The following RIN2 variants were observed in gnomAD, a reference collection of about 807,000 sequenced individuals.
RIN2 encodes the protein RAB5 interacting protein 2.
Under a neutral mutation model 78.0 loss-of-function variants are expected in RIN2, and 36 were observed. That is an observed-to-expected ratio of 0.46 (90% CI 0.35 to 0.61). The LOEUF (loss-of-function observed/expected upper bound fraction) is 0.61, where lower values mean the gene tolerates loss of function less well. RIN2 is among the 20% of genes least tolerant of loss of function. The pLI, the probability that RIN2 is intolerant of heterozygous loss-of-function variation, is 0.00. For missense variants in RIN2, 1,087 were observed against 1,159.7 expected (o/e 0.94, Z 0.91); for synonymous variants, 466 against 466.8 (o/e 1.00, Z 0.02).
Position 19,805,999 on chromosome 20 carries a change from G to A in RIN2, c.-37+6252G>A, listed in dbSNP as rs145713339. ...TTTTCTGTCCTTGTGATAGTTTGCT[G>A]AGAATGATGGTTTCCATCTTCATCC... On this transcript the variant is annotated intron_variant, in intron 2 of 12. Transcript: ENST00000255006. 2.0e-3 allele frequency among the ~76,000 whole-genome samples: 306 copies of A among 152,244 alleles called. 2 individuals carry two copies. The highest frequency in any genetic ancestry group is 7.0e-3 in the African/African-American group (291 of 41,548).
intron 2 of RIN2, among the ~76,000 whole-genome samples, chr20:19,883,308 G>C (rs948115586): frequency 6.6e-6 from 1 of 150,840 alleles, no homozygotes; most frequent in Non-Finnish European, 1.5e-5. Context: ...TAGGAGGTGA[G>C]AGAAGCTTCC....
At chr20:19,872,552 C>T (rs368554645) in intron 2 of RIN2, among the ~76,000 whole-genome samples, 12 of 152,236 alleles carry the variant, frequency 7.9e-5, no homozygotes, top group South Asian at 2.1e-4. Flanking sequence ...CAAGTTAATA[C>T]GCCCAGGAGC....
intron 2 of RIN2, among the ~76,000 whole-genome samples, chr20:19,856,534 GAA>G (rs566432595): frequency 1.2e-5 from 1 of 85,512 alleles, no homozygotes. Flanking sequence ...CTTTGTCTCA[GAA>G]AAAAAAAAAA....
intron 1 of RIN2, among the ~76,000 whole-genome samples, chr20:19,793,315 A>G (rs1265156276): frequency 6.6e-6 from 1 of 152,226 alleles, no homozygotes; most frequent in Non-Finnish European, 1.5e-5. Flanking sequence ...CTTACAAAGC[A>G]TTCCTATTCA....
intron 4 of RIN2, among the ~76,000 whole-genome samples, chr20:19,941,881 G>A (rs1446518184): frequency 6.6e-6 from 1 of 152,116 alleles, no homozygotes; most frequent in Non-Finnish European, 1.5e-5. Flanking sequence ...TTGGGAGGCT[G>A]AGGTGGGTGG....
intron 1 of RIN2, among the ~76,000 whole-genome samples, chr20:19,797,482 A>G (rs769237192): frequency 6.6e-6 from 1 of 152,218 alleles, no homozygotes; most frequent in Non-Finnish European, 1.5e-5. Flanking sequence ...CTTATTTAAT[A>G]CCATAATATA....
intron 12 of RIN2, 112 bp downstream of exon 12, chr20:19,996,954 A>G (rs1288787722): frequency 5.2e-6 from 6 of 1,149,554 alleles, no homozygotes; most frequent in African/African-American, 1.6e-5. Flanking sequence ...TTGGCAGGAA[A>G]GGGATATCTC....
chr20:19,778,823 A>G lies in RIN2; in HGVS notation c.-163+20496A>G, dbSNP rs1199092116. 3.9e-5 allele frequency among the ~76,000 whole-genome samples: 6 copies of G among 152,156 alleles called. No individual in the cohort carries two copies. In the East Asian group the frequency reaches 1.2e-3, roughly 29 times the overall value. ...TACAAAGAAGGAAAGCGAGGCCCAG[A>G]GACACCACCTGAGTTGCCTTGCTAG... is the stretch of plus-strand genomic sequence containing the variant. On this transcript the variant is annotated intron_variant, in intron 1 of 12. Coordinates refer to ENST00000255006, the MANE Select transcript of RIN2 (RefSeq NM_018993.4).
At chr20:19,968,214 C>T (rs1028581982) in intron 7 of RIN2, among the ~76,000 whole-genome samples, 19 of 152,168 alleles carry the variant, frequency 1.2e-4, no homozygotes, top group African/African-American at 2.7e-4. Context: ...AGGCCCCACA[C>T]GAGTTACGGT....
intron 2 of RIN2, among the ~76,000 whole-genome samples, chr20:19,816,190 G>A (rs1438614854): frequency 6.6e-6 from 1 of 152,070 alleles, no homozygotes; most frequent in Non-Finnish European, 1.5e-5. Flanking sequence ...TCAAGCCAAG[G>A]GATTTTTCTT....
intron 3 of RIN2, among the ~76,000 whole-genome samples, chr20:19,910,637 C>T (rs1178597403): frequency 2.7e-5 from 4 of 149,008 alleles, no homozygotes; most frequent in South Asian, 2.1e-4. Flanking sequence ...GGCGCAGTCT[C>T]GGCTCACTGC....
intron 3 of RIN2, among the ~76,000 whole-genome samples, chr20:19,890,308 A>T (rs1483868541): frequency 2.0e-5 from 3 of 152,122 alleles, no homozygotes; most frequent in Non-Finnish European, 2.9e-5. Flanking sequence ...TATTTAATGA[A>T]GACTTGGTGG....
intron 2 of RIN2, among the ~76,000 whole-genome samples, chr20:19,877,736 G>A (rs1319691292): frequency 6.6e-6 from 1 of 152,070 alleles, no homozygotes; most frequent in Non-Finnish European, 1.5e-5. Flanking sequence ...AGCAGTGGTG[G>A]GGCTGGGCAC....
intron 9 of RIN2, among the ~76,000 whole-genome samples, chr20:19,988,080 G>A (rs569417831): frequency 2.2e-4 from 33 of 152,246 alleles, no homozygotes; most frequent in African/African-American, 7.5e-4. Context: ...CTGATCCAGC[G>A]TCAGGAATTC....
intron 4 of RIN2, among the ~76,000 whole-genome samples, chr20:19,951,654 T>TCA (rs10649475): frequency 0.4 from 61,128 of 151,992 alleles, 16,222 homozygotes; most frequent in African/African-American, 0.74. Context: ...TAGCATCCAC[T>TCA]CAATTTTTGC....
intron 1 of RIN2, among the ~76,000 whole-genome samples, chr20:19,774,151 CAG>C (rs1705495697): frequency 6.6e-6 from 1 of 152,026 alleles, no homozygotes; most frequent in Non-Finnish European, 1.5e-5. Context: ...TTTTTCAAGA[CAG>C]AGCTCAGGTT....
At chr20:19,942,487 T>C (rs2146165982) in intron 4 of RIN2, among the ~76,000 whole-genome samples, 1 of 152,304 alleles carries the variant, frequency 6.6e-6, no homozygotes, top group Non-Finnish European at 1.5e-5. Context: ...AAGTAAAACG[T>C]GTACATGGTG....
intron 1 of RIN2, among the ~76,000 whole-genome samples, chr20:19,796,485 G>C (rs2035058086): frequency 6.6e-6 from 1 of 152,186 alleles, no homozygotes; most frequent in Non-Finnish European, 1.5e-5. Flanking sequence ...AGAGTGTACG[G>C]TTGGTAGTAA....
chr20:19,875,863 G>A (rs1364377254), intron 2 of RIN2, among the ~76,000 whole-genome samples: 2 of 152,206 alleles, frequency 1.3e-5, no homozygotes, highest in Admixed American at 6.5e-5. Context: ...TAGGGTCGGC[G>A]CAGTCCAAGG....
Sources: gnomAD v4.1 joint callset for allele counts (sites outside exome capture counted in the v4.1 genomes callset) on GRCh38, gnomAD v4.1.1 for gene constraint, MANE v1.5 for transcripts, NCBI Gene and HGNC (gene_info 2026-07-23, HGNC 2026-07-21) for gene names.